Variants in LUZP2 observed in about 807,000 individuals in gnomAD.
LUZP2 encodes leucine zipper protein 2.
LUZP2 carries 52 observed loss-of-function variants against 51.6 expected under a neutral mutation model. That is an observed-to-expected ratio of 1.01 (90% CI 0.81 to 1.27). LUZP2 has a LOEUF of 1.27. LUZP2 is among the 50% of genes most tolerant of loss of function. The pLI is 0.00. For synonymous variants in LUZP2, 154 were observed against 137.3 expected (o/e 1.12, Z -0.85); for missense variants, 436 against 395.4 (o/e 1.10, Z -0.87).
At chr11:24,720,859 C>T (rs2133950549) in intron 1 of LUZP2, among the ~76,000 whole-genome samples, 1 of 152,280 alleles carries the variant, frequency 6.6e-6, no homozygotes, top group South Asian at 2.1e-4. Flanking sequence ...GCCACCACGT[C>T]CGGCTAATTT....
At chr11:25,019,786 A>T (rs905857721) in intron 9 of LUZP2, among the ~76,000 whole-genome samples, 2 of 152,014 alleles carry the variant, frequency 1.3e-5, no homozygotes, top group Admixed American at 6.6e-5. Flanking sequence ...CTGACTTCTG[A>T]GGTTTCTTGA....
At chr11:24,661,819 T>G (rs1590313214) in intron 1 of LUZP2, among the ~76,000 whole-genome samples, 1 of 152,256 alleles carries the variant, frequency 6.6e-6, no homozygotes, top group Middle Eastern at 3.4e-3. Context: ...TTCTGTTGAC[T>G]TTTCTTTGAA....
At chr11:24,586,453 T>C (rs967119245) in intron 1 of LUZP2, among the ~76,000 whole-genome samples, 1 of 152,082 alleles carries the variant, frequency 6.6e-6, no homozygotes, top group Non-Finnish European at 1.5e-5. Flanking sequence ...GAAAAATATA[T>C]AATTTTCTCA....
At chr11:24,849,042 T>A (rs888551957) in intron 5 of LUZP2, among the ~76,000 whole-genome samples, 9 of 152,052 alleles carry the variant, frequency 5.9e-5, no homozygotes, top group Non-Finnish European at 1.2e-4. Flanking sequence ...ATGATGCCAA[T>A]TCTCACCACA....
At chr11:24,654,565 C>A (rs374478633) in intron 1 of LUZP2, among the ~76,000 whole-genome samples, 1 of 152,012 alleles carries the variant, frequency 6.6e-6, no homozygotes, top group Non-Finnish European at 1.5e-5. Flanking sequence ...CACAGTGGCG[C>A]GATCTCTGCT....
chr11:24,905,238 G>T (rs1401441822), intron 5 of LUZP2, among the ~76,000 whole-genome samples: 1 of 151,934 alleles, frequency 6.6e-6, no homozygotes, highest in African/African-American at 2.4e-5. Context: ...AGAAACATCA[G>T]AGTAAGGCCA....
At chr11:24,875,760 A>G (rs900684560) in intron 5 of LUZP2, among the ~76,000 whole-genome samples, 2 of 152,072 alleles carry the variant, frequency 1.3e-5, no homozygotes, top group East Asian at 1.9e-4. Context: ...CCTCTCCAGC[A>G]CCTGTTGTTT....
chr11:24,616,361 C>T (rs774498906), intron 1 of LUZP2, among the ~76,000 whole-genome samples: 4 of 151,888 alleles, frequency 2.6e-5, no homozygotes, highest in Non-Finnish European at 4.4e-5. Context: ...TTACACTTAA[C>T]GCTGTGACCC....
chr11:24,834,724 A>G (rs898342435), intron 5 of LUZP2, among the ~76,000 whole-genome samples: 1 of 152,110 alleles, frequency 6.6e-6, no homozygotes, highest in African/African-American at 2.4e-5. Context: ...GTGCAAAAGC[A>G]TTCCTATTTC....
intron 1 of LUZP2, among the ~76,000 whole-genome samples, chr11:24,530,955 TAACATCTGTG>T (rs1228944198): frequency 1.3e-5 from 2 of 149,746 alleles, no homozygotes; most frequent in African/African-American, 4.9e-5. Context: ...TGGCTCCCTA[TAACATCTGTG>T]TTCTAATTAT....
At chr11:24,603,996 G>A (rs1853829571) in intron 1 of LUZP2, among the ~76,000 whole-genome samples, 1 of 151,716 alleles carries the variant, frequency 6.6e-6, no homozygotes, top group Non-Finnish European at 1.5e-5. Flanking sequence ...ATTATCTACA[G>A]CACATTCAAT....
chr11:25,003,986 G>A (rs1019217908), intron 9 of LUZP2, among the ~76,000 whole-genome samples: 4 of 152,192 alleles, frequency 2.6e-5, no homozygotes, highest in African/African-American at 4.8e-5. Flanking sequence ...GGATGGTAAC[G>A]GACCTTGAAG....
chr11:24,830,485 C>G (rs777404962), intron 5 of LUZP2, among the ~76,000 whole-genome samples: 1 of 149,508 alleles, frequency 6.7e-6, no homozygotes, highest in African/African-American at 2.5e-5. Flanking sequence ...AACGGGGCAC[C>G]TTGAGTGACA....
chr11:24,717,461 G>T (rs1419957582), intron 1 of LUZP2, among the ~76,000 whole-genome samples: 2 of 144,952 alleles, frequency 1.4e-5, no homozygotes, highest in Non-Finnish European at 3.0e-5. Flanking sequence ...CAGGTGGAAT[G>T]CAGTGGCGCC....
At chr11:24,939,341 G>A (rs565706181) in intron 7 of LUZP2, among the ~76,000 whole-genome samples, 1 of 152,078 alleles carries the variant, frequency 6.6e-6, no homozygotes, top group African/African-American at 2.4e-5. Flanking sequence ...GTAAGGGAGA[G>A]GGTCTAGTTT....
At chr11:24,579,814 C>T (rs1385398251) in intron 1 of LUZP2, among the ~76,000 whole-genome samples, 2 of 151,966 alleles carry the variant, frequency 1.3e-5, no homozygotes, top group South Asian at 2.1e-4. Flanking sequence ...TCTTCATGTC[C>T]AATACTAACT....
intron 1 of LUZP2, among the ~76,000 whole-genome samples, chr11:24,665,414 A>G (rs190205552): frequency 5.7e-4 from 87 of 152,270 alleles, no homozygotes; most frequent in African/African-American, 2.0e-3. Context: ...TAATGCTGGA[A>G]TGAGTTAAGA....
intron 5 of LUZP2, among the ~76,000 whole-genome samples, chr11:24,843,213 CAG>C (rs141508979): frequency 0.01 from 1,545 of 151,928 alleles, 27 homozygotes; most frequent in African/African-American, 0.036. Context: ...ATTAAAGAAA[CAG>C]AGTTATTAGT....
In LUZP2 at chr11:24,983,883, C is replaced by T. The variant is rs141776947; in HGVS notation, c.765+590C>T. 2.3e-3 allele frequency among the ~76,000 whole-genome samples: 352 copies of T among 150,180 alleles called. 6 individuals carry two copies. Among genetic ancestry groups the T allele is most frequent in the African/African-American group, 8.0e-3 (327 of 40,972 alleles). ...CAAAGTCCCAGGGGATTTTAAGGTG[C>T]GTTCAAGTTTAAGGACAACTCATTT... On this transcript the variant is annotated intron_variant, in intron 9 of 11. Coordinates refer to ENST00000336930, the MANE Select transcript of LUZP2 (RefSeq NM_001009909.4).
Sources: gnomAD v4.1 joint callset for allele counts (sites outside exome capture counted in the v4.1 genomes callset) on GRCh38, gnomAD v4.1.1 for gene constraint, MANE v1.5 for transcripts, NCBI Gene and HGNC (gene_info 2026-07-23, HGNC 2026-07-21) for gene names.